The following NOM1 variants were observed in gnomAD, a reference collection of about 807,000 sequenced individuals.
NOM1 encodes the protein nucleolar MIF4G domain-containing protein 1.
NOM1 carries 58 observed loss-of-function variants against 73.3 expected under a neutral mutation model. The ratio of observed to expected loss-of-function variants is 0.79; its 90% CI spans 0.64 to 0.99. The LOEUF is 0.99. NOM1 is among the 50% of genes least tolerant of loss of function. The pLI, the probability that NOM1 is intolerant of heterozygous loss-of-function variation, is 0.00. For synonymous variants in NOM1, 487 were observed against 446.8 expected, an observed-to-expected ratio of 1.09 and a Z score of -1.14; for missense variants, 1,226 against 1,131.9, an observed-to-expected ratio of 1.08 and a Z score of -1.19.
intron 3 of NOM1, among the ~76,000 whole-genome samples, chr7:156,959,287 AG>A (rs1331889051): frequency 2.1e-5 from 3 of 142,680 alleles, no homozygotes; most frequent in Non-Finnish European, 4.9e-5. Context: ...TATTTTTAGT[AG>A]ACACGGGGTT....
intron 9 of NOM1, 132 bp from the exon 10 acceptor site, chr7:156,968,955 A>G (rs904905290): frequency 7.7e-5 from 49 of 634,254 alleles, no homozygotes; most frequent in Non-Finnish European, 1.2e-4. Flanking sequence ...AGCTCTGGAA[A>G]TAGCTTCTTA....
chr7:156,967,191 C>G, intron 9 of NOM1, 99 bp downstream of exon 9: 1 of 1,379,170 alleles, frequency 7.3e-7, no homozygotes, highest in African/African-American at 1.4e-5. Flanking sequence ...GTATTTTCTT[C>G]GATTCTGATT....
rs1805106392 is a variant in NOM1, at chr7:156,970,152, T to C, written c.*449T>C. The C allele has an allele frequency of 1.3e-5, 2 of 152,450 alleles. No individual in the cohort carries two copies. Among genetic ancestry groups the C allele is most frequent in the Admixed American group, 6.5e-5 (1 of 15,280 alleles). The allele number at this position is 152,450 out of a possible 1,614,324, so 9.4% of individuals were successfully genotyped here. A position where few individuals can be genotyped will look rare whatever the true frequency, so the allele number is the denominator to read the frequency against. ...AAAATTAGCCAGGCATGATGGCACA[T>C]GCTGGTAATAGCAGCTACTGAGGTG... On this transcript the variant is annotated 3_prime_UTR_variant, in exon 11 of 11. Transcript: ENST00000275820.
intron 3 of NOM1, among the ~76,000 whole-genome samples, chr7:156,959,302 C>T (rs923236938): frequency 7.0e-6 from 1 of 141,850 alleles, no homozygotes; most frequent in African/African-American, 2.5e-5. Context: ...CGGGGTTTCA[C>T]CACGTTAGCC....
At chr7:156,953,596 A>G (rs901828044) in intron 2 of NOM1, among the ~76,000 whole-genome samples, 3 of 150,700 alleles carry the variant, frequency 2.0e-5, no homozygotes, top group African/African-American at 7.4e-5. Flanking sequence ...CCTCTGTTTC[A>G]GTGTCGAGTT....
intron 3 of NOM1, among the ~76,000 whole-genome samples, chr7:156,959,628 G>A (rs1222951690): frequency 6.6e-6 from 1 of 152,142 alleles, no homozygotes; most frequent in African/African-American, 2.4e-5. Flanking sequence ...AATGGCTGCT[G>A]GCCAAACAGT....
At chr7:156,959,167 A>G (rs187514359) in intron 3 of NOM1, among the ~76,000 whole-genome samples, 1,540 of 151,528 alleles carry the variant, frequency 0.01, 25 homozygotes, top group African/African-American at 0.035. Context: ...CAGTGGCGCA[A>G]TCTCAGCTCA....
rs1238118009 is a variant in NOM1, at chr7:156,972,347, ACC to A, written c.*2646_*2647del. On this transcript the variant is annotated 3_prime_UTR_variant, in exon 11 of 11. Coordinates refer to ENST00000275820, the MANE Select transcript of NOM1 (RefSeq NM_138400.2). ...ATTTCATGATGTACCATATGCAGTA[ACC>A]CATGTTTGAGGTACAGAATTGAAGC... The A allele has an allele frequency of 1.3e-5, 2 of 152,362 alleles. No individual in the cohort carries two copies. Among genetic ancestry groups the A allele is most frequent in the South Asian group, 4.1e-4 (2 of 4,830 alleles). The allele number at this position is 152,362 out of a possible 1,614,324, so 9.4% of individuals were successfully genotyped here.
At chr7:156,962,032 CTT>C (rs1362226224) in intron 4 of NOM1, 117 bp from the exon 5 acceptor site, 8 of 774,840 alleles carry the variant, frequency 1.0e-5, no homozygotes, top group African/African-American at 6.8e-5. Flanking sequence ...GCTGTCCTGA[CTT>C]TGTATCGTGG....
At chr7:156,951,905 A>G (rs532482662) in intron 1 of NOM1, among the ~76,000 whole-genome samples, 1 of 152,112 alleles carries the variant, frequency 6.6e-6, no homozygotes, top group African/African-American at 2.4e-5. Context: ...ATGGGGTTTC[A>G]CTGTGTTAGC....
chr7:156,961,830 C>T (rs1804870277), intron 4 of NOM1, among the ~76,000 whole-genome samples: 1 of 151,780 alleles, frequency 6.6e-6, no homozygotes, highest in Non-Finnish European at 1.5e-5. Context: ...GGAGCAGGAG[C>T]GTAGTAGAGG....
At chr7:156,961,315 C>T (rs1457074054) in intron 4 of NOM1, among the ~76,000 whole-genome samples, 1 of 152,106 alleles carries the variant, frequency 6.6e-6, no homozygotes, top group African/African-American at 2.4e-5. Flanking sequence ...AAGGGATTTG[C>T]ATTTTGGGCT....
At chr7:156,968,991 G>C in intron 9 of NOM1, 96 bp from the exon 10 acceptor site, 1 of 710,462 alleles carries the variant, frequency 1.4e-6, no homozygotes, top group Non-Finnish European at 2.5e-6. Flanking sequence ...GGGAAGGGGG[G>C]AGATTAATTT....
intron 10 of NOM1, 41 bp from the exon 11 acceptor site, chr7:156,969,488 C>A: frequency 1.3e-6 from 2 of 1,555,188 alleles, no homozygotes; most frequent in Non-Finnish European, 8.8e-7. Flanking sequence ...CTAGGAGAGG[C>A]CAGCTCAGCC....
rs749959826 is a variant in NOM1, at chr7:156,960,178, C to A, written c.1632+4C>A. Reference sequence around the variant, plus strand: ...CGAGTTTCAGGACCAGACCAGGGTACGCGTGCGACGCTTGATCTGCTTCCT... The same window carrying A: ...CGAGTTTCAGGACCAGACCAGGGTAAGCGTGCGACGCTTGATCTGCTTCCT... On this transcript the variant is annotated splice_donor_region_variant and intron_variant, in intron 4 of 10. Transcript: ENST00000275820. 2 of 1,603,172 alleles carry A rather than the reference C, an allele frequency of 1.2e-6. No homozygotes were observed. Among genetic ancestry groups the A allele is most frequent in the Non-Finnish European group, 1.7e-6 (2 of 1,177,186 alleles).
At chr7:156,967,332 C>T (rs1805022973) in intron 9 of NOM1, among the ~76,000 whole-genome samples, 2 of 152,140 alleles carry the variant, frequency 1.3e-5, no homozygotes, top group Non-Finnish European at 2.9e-5. Context: ...TGTTTTGGAG[C>T]TTGAGGTTAA....
In NOM1 at chr7:156,950,174, C is replaced by A. The variant is rs199647631; in HGVS notation, c.437C>A (p.Pro146Gln). The change falls in exon 1 of 11, where the codon CCG becomes CAG. Residue 146 changes from proline (P) to glutamine (Q), a missense_variant. Physicochemically the swap from Pro to Gln is moderately conservative, Grantham distance 76. Coordinates refer to ENST00000275820, the MANE Select transcript of NOM1 (RefSeq NM_138400.2). Reference protein sequence around the residue: ...RDPSPPRKPRPSRVKAKATAA... With the variant: ...RDPSPPRKPRQSRVKAKATAA... ...CCCTCGCCTCCCAGGAAGCCGCGGC[C>A]GTCCCGGGTCAAGGCCAAGGCCACG... The A allele has an allele frequency of 5.2e-4, 836 of 1,602,978 alleles. 2 individuals carry two copies. The highest frequency in any genetic ancestry group is 3.0e-3 in the Middle Eastern group (18 of 5,970).
At chr7:156,966,780 T>C (rs1417014980) in intron 8 of NOM1, among the ~76,000 whole-genome samples, 181 bp from the exon 9 acceptor site, 1 of 152,202 alleles carries the variant, frequency 6.6e-6, no homozygotes. Context: ...AAGGAGATTC[T>C]TGTGAAGCTG....
rs533128445 is a variant in NOM1, at chr7:156,968,986, G to A, written c.2299-101G>A. 1.5e-4 allele frequency: 104 copies of A among 692,402 alleles called. No homozygotes were observed. In the African/African-American group the frequency reaches 1.6e-3, roughly 11 times the overall value. The allele number at this position is 692,402 out of a possible 1,614,324, so 42.9% of individuals were successfully genotyped here. Reference sequence around the variant, plus strand: ...TCTTAAATCGGGTAGAGTGGGGGAAGGGGGGAGATTAATTTTTACTCTAAT... The same window carrying A: ...TCTTAAATCGGGTAGAGTGGGGGAAAGGGGGAGATTAATTTTTACTCTAAT... On this transcript the variant is annotated intron_variant, in intron 9 of 10. Transcript: ENST00000275820.
Sources: gnomAD v4.1 joint callset for allele counts (sites outside exome capture counted in the v4.1 genomes callset) on GRCh38, gnomAD v4.1.1 for gene constraint, MANE v1.5 for transcripts, NCBI Gene and HGNC (gene_info 2026-07-23, HGNC 2026-07-21) for gene names.